The following C7orf33 variants were observed in gnomAD, a reference collection of about 807,000 sequenced individuals.
The protein encoded by C7orf33 is uncharacterized protein C7orf33.
In C7orf33, 15 loss-of-function variants were observed where a neutral mutation model predicts 13.4. The observed-to-expected ratio is 1.12, with a 90% CI of 0.75 to 1.72. The LOEUF (loss-of-function observed/expected upper bound fraction) is 1.72. Among genes scored for constraint, C7orf33 ranks in the 40% most tolerant of loss-of-function variants. C7orf33 has a pLI of 0.00. For synonymous variants in C7orf33, 73 were observed against 83.2 expected (o/e 0.88, Z 0.67); for missense variants, 187 against 220.3 (o/e 0.85, Z 0.96).
At chr7:148,613,005 C>T (rs577202159) in intron 1 of C7orf33, among the ~76,000 whole-genome samples, 7 of 152,050 alleles carry the variant, frequency 4.6e-5, no homozygotes, top group Non-Finnish European at 7.4e-5. Context: ...ACATTCAAAA[C>T]CCTCTCTTCT....
chr7:148,595,569 T>A (rs1176926931), intron 1 of C7orf33, among the ~76,000 whole-genome samples: 13 of 132,726 alleles, frequency 9.8e-5, no homozygotes, highest in South Asian at 4.4e-4. Context: ...AGCTATATAA[T>A]ATATATAATA....
intron 1 of C7orf33, among the ~76,000 whole-genome samples, chr7:148,610,136 G>A (rs541504902): frequency 2.0e-5 from 3 of 152,320 alleles, no homozygotes; most frequent in African/African-American, 2.4e-5. Context: ...AACAAGAAAA[G>A]GTAGAATCAC....
At chr7:148,597,436 C>A (rs1796352680) in intron 1 of C7orf33, among the ~76,000 whole-genome samples, 1 of 152,028 alleles carries the variant, frequency 6.6e-6, no homozygotes, top group African/African-American at 2.4e-5. Context: ...CACCTGCTAC[C>A]ATGCCTGGCT....
chr7:148,604,989 C>T lies in C7orf33; in HGVS notation c.205-9053C>T, dbSNP rs147913959. Among the ~76,000 whole-genome samples, 1,285 of 152,256 alleles carry T rather than the reference C, an allele frequency of 8.4e-3. 23 individuals carry two copies. Among genetic ancestry groups the T allele is most frequent in the African/African-American group, 0.029 (1,224 of 41,558 alleles). On this transcript the variant is annotated intron_variant, in intron 1 of 2. Coordinates refer to ENST00000307003, the MANE Select transcript of C7orf33 (RefSeq NM_145304.4). ...GCTCACGCCTGTACTCTCAGCTCTT[C>T]GGGATGCCAAGTTGGGTGGATCACC...
intron 1 of C7orf33, among the ~76,000 whole-genome samples, chr7:148,598,747 TATATATATATATATATAGAGAGAGAG>T (rs1474110323): frequency 1.7e-3 from 119 of 71,430 alleles, no homozygotes; most frequent in Middle Eastern, 6.3e-3. Context: ...TATATATATA[TATATATATATATATATAGAGAGAGAG>T]AGAGAGAGAG....
chr7:148,604,586 A>G (rs916383204), intron 1 of C7orf33, among the ~76,000 whole-genome samples: 2 of 152,220 alleles, frequency 1.3e-5, no homozygotes, highest in African/African-American at 4.8e-5. Flanking sequence ...TGAGGAATAA[A>G]AGACTACACA....
At chr7:148,611,239 A>G (rs1410934093) in intron 1 of C7orf33, among the ~76,000 whole-genome samples, 1 of 152,164 alleles carries the variant, frequency 6.6e-6, no homozygotes, top group Non-Finnish European at 1.5e-5. Flanking sequence ...AGCCTGTGCC[A>G]CAGATCTAAG....
At chr7:148,602,146 A>G (rs1041499267) in intron 1 of C7orf33, among the ~76,000 whole-genome samples, 1 of 152,216 alleles carries the variant, frequency 6.6e-6, no homozygotes, top group Non-Finnish European at 1.5e-5. Flanking sequence ...TTAAAATTAT[A>G]TGATTTTTCT....
At chr7:148,591,202 A>G in intron 1 of C7orf33, 73 bp downstream of exon 1, 1 of 1,262,810 alleles carries the variant, frequency 7.9e-7, no homozygotes, top group Non-Finnish European at 1.1e-6. Context: ...TCATTCACTC[A>G]ATCCATGAAT....
intron 1 of C7orf33, among the ~76,000 whole-genome samples, chr7:148,596,997 T>C (rs1796346963): frequency 6.6e-6 from 1 of 152,142 alleles, no homozygotes; most frequent in East Asian, 1.9e-4. Context: ...GATAGCCCAT[T>C]TCCTTTTAGT....
Position 148,615,375 on chromosome 7 carries a change from A to C in C7orf33, c.508A>C (p.Arg170=), listed in dbSNP as rs763667410. Residue 170 remains arginine, a synonymous_variant, in exon 3 of 3, where the codon AGG becomes CGG. Coordinates refer to ENST00000307003, the MANE Select transcript of C7orf33 (RefSeq NM_145304.4). ...RKLQNSVEAT[R]ISRTDSS is the part of the protein sequence containing the mutation. Reference sequence around the variant, plus strand: ...GCTCCAGAATTCTGTTGAGGCCACAAGGATTTCCAGAACTGACAGCAGTTA... The same window carrying C: ...GCTCCAGAATTCTGTTGAGGCCACACGGATTTCCAGAACTGACAGCAGTTA... The C allele has an allele frequency of 1.2e-6, 2 of 1,613,300 alleles. No homozygotes were observed. The highest frequency in any genetic ancestry group is 2.2e-5 in the South Asian group (2 of 91,064).
chr7:148,598,761 TATAGAGAGAGAGAGAGAGAGAG>T (rs1308675967), intron 1 of C7orf33, among the ~76,000 whole-genome samples: 22 of 27,506 alleles, frequency 8.0e-4, no homozygotes, highest in African/African-American at 4.3e-3. Context: ...TATATATATA[TATAGAGAGAGAGAGAGAGAGAG>T]AGAGAGAGAG....
rs143641546 is a variant in C7orf33, at chr7:148,614,546, A to G, written c.459+250A>G. Among the ~76,000 whole-genome samples, 592 of 152,308 alleles carry G rather than the reference A, an allele frequency of 3.9e-3. 6 individuals are homozygous for G. Among genetic ancestry groups the G allele is most frequent in the African/African-American group, 0.013 (561 of 41,562 alleles). On this transcript the variant is annotated intron_variant, in intron 2 of 2. Transcript: ENST00000307003. ...CACCTTCTCCCTTGTATTAATGATA[A>G]CTAATGTTATTAAGAGAACATAAGG...
rs112000703 is a variant in C7orf33, at chr7:148,606,933, TACAC to T, written c.205-7082_205-7079del. Among the ~76,000 whole-genome samples, 72 of 139,284 alleles carry T rather than the reference TACAC, an allele frequency of 5.2e-4. 1 individual carries two copies. The highest frequency in any genetic ancestry group is 1.4e-3 in the African/African-American group (53 of 37,888). The allele number at this position is 139,284 out of a possible 152,430, so 91.4% of individuals were successfully genotyped here. A position where few individuals can be genotyped will look rare whatever the true frequency, so the allele number is the denominator to read the frequency against. On this transcript the variant is annotated intron_variant, in intron 1 of 2. Transcript: ENST00000307003. The stretch of plus-strand genomic sequence containing the variant: ...GAATAGACCCCATTTAAAAAAAAAA[TACAC>T]ACACACACACACACACACACACACA...
chr7:148,608,226 A>G (rs1454225166), intron 1 of C7orf33, among the ~76,000 whole-genome samples: 1 of 152,084 alleles, frequency 6.6e-6, no homozygotes, highest in Non-Finnish European at 1.5e-5. Context: ...TCAAGATGTC[A>G]AGACCATCCT....
chr7:148,595,680 T>C lies in C7orf33; in HGVS notation c.204+4551T>C, dbSNP rs570961337. On this transcript the variant is annotated intron_variant, in intron 1 of 2. Transcript: ENST00000307003. ...AGATCTATATTATATAGATATAATATAGATCTATATTATATAGATATACAT... is the reference window on the plus strand; with the variant it reads ...AGATCTATATTATATAGATATAATACAGATCTATATTATATAGATATACAT... Among the ~76,000 whole-genome samples the C allele has an allele frequency of 1.1e-3, 96 of 88,578 alleles. 2 individuals carry two copies. The highest frequency in any genetic ancestry group is 6.5e-3 in the African/African-American group (83 of 12,724). 58.1% of individuals were successfully genotyped at this position (88,578 alleles called of 152,430 possible).
chr7:148,605,908 A>AC (rs1796468058), intron 1 of C7orf33, among the ~76,000 whole-genome samples: 1 of 152,176 alleles, frequency 6.6e-6, no homozygotes, highest in Non-Finnish European at 1.5e-5. Context: ...TCTTGGCCAG[A>AC]CCCTGACTAC....
At chr7:148,608,198 C>G (rs114960212) in intron 1 of C7orf33, among the ~76,000 whole-genome samples, 5,442 of 152,108 alleles carry the variant, frequency 0.036, 343 homozygotes, top group African/African-American at 0.12. Context: ...GGGAGGCTGA[C>G]GCAGGCGGAT....
At chr7:148,607,804 C>G (rs73463404) in intron 1 of C7orf33, among the ~76,000 whole-genome samples, 2,016 of 152,252 alleles carry the variant, frequency 0.013, 42 homozygotes, top group African/African-American at 0.046. Context: ...TTTAATCGTA[C>G]CCAGGCGAGC....
Sources: gnomAD v4.1 joint callset for allele counts (sites outside exome capture counted in the v4.1 genomes callset) on GRCh38, gnomAD v4.1.1 for gene constraint, MANE v1.5 for transcripts, NCBI Gene and HGNC (gene_info 2026-07-23, HGNC 2026-07-21) for gene names.